WWOX: variants seen among roughly 807,000 people sequenced by gnomAD.
WWOX encodes WW domain-containing oxidoreductase.
Under a neutral mutation model 46.2 loss-of-function variants are expected in WWOX, and 69 were observed. That is an observed-to-expected ratio of 1.49 (90% CI 1.23 to 1.82). The LOEUF (loss-of-function observed/expected upper bound fraction) is 1.82. Ranked by LOEUF, WWOX falls within the 40% of genes most tolerant of loss-of-function variation. WWOX has a pLI of 0.00. For missense variants in WWOX, 919 were observed against 542.6 expected (o/e 1.69, Z -6.89); for synonymous variants, 359 against 202.6 (o/e 1.77, Z -6.56).
intron 8 of WWOX, among the ~76,000 whole-genome samples, chr16:78,796,200 A>T (rs947448220): frequency 1.3e-5 from 2 of 152,182 alleles, no homozygotes; most frequent in African/African-American, 4.8e-5. Flanking sequence ...ACTGTCGTTG[A>T]TTGCTTGCTG....
intron 5 of WWOX, among the ~76,000 whole-genome samples, chr16:78,336,505 C>CA (rs386385163): frequency 0.088 from 6,476 of 73,950 alleles, 778 homozygotes; most frequent in African/African-American, 0.23. Flanking sequence ...GACTATGTCT[C>CA]AAAAAAAAAA....
chr16:78,808,286 G>T (rs7499973), intron 8 of WWOX, among the ~76,000 whole-genome samples: 2 of 152,028 alleles, frequency 1.3e-5, no homozygotes, highest in Non-Finnish European at 2.9e-5. Flanking sequence ...CTATGGATCC[G>T]TTTGCAACCC....
chr16:79,154,151 T>A (rs972412573), intron 8 of WWOX, among the ~76,000 whole-genome samples: 1 of 152,186 alleles, frequency 6.6e-6, no homozygotes, highest in South Asian at 2.1e-4. Flanking sequence ...CTAAATGGTA[T>A]GAAAAATAGG....
chr16:79,144,095 T>A (rs1198775483), intron 8 of WWOX, among the ~76,000 whole-genome samples: 1 of 152,140 alleles, frequency 6.6e-6, no homozygotes, highest in African/African-American at 2.4e-5. Flanking sequence ...GATGGAGTAT[T>A]GCTATGTTGC....
In WWOX at chr16:78,341,606, G is replaced by C. The variant is rs1330403845; in HGVS notation, c.517-45254G>C. Among the ~76,000 whole-genome samples, 5 of 119,656 alleles carry C rather than the reference G, an allele frequency of 4.2e-5. 1 individual carries two copies. Among genetic ancestry groups the C allele is most frequent in the African/African-American group, 1.4e-4 (5 of 35,170 alleles). 78.5% of individuals were successfully genotyped at this position (119,656 alleles called of 152,430 possible). On this transcript the variant is annotated intron_variant, in intron 5 of 8. Transcript: ENST00000566780. ...CTATTGTCACTGAGGGAGTGGACAGGAAGTGATGCTGAGATAAGTCTAGAT... is the reference window on the plus strand; with the variant it reads ...CTATTGTCACTGAGGGAGTGGACAGCAAGTGATGCTGAGATAAGTCTAGAT...
At chr16:78,518,076 A>C (rs2043276361) in intron 8 of WWOX, among the ~76,000 whole-genome samples, 6 of 151,988 alleles carry the variant, frequency 3.9e-5, no homozygotes, top group Admixed American at 3.9e-4. Flanking sequence ...CAGTTTCCCC[A>C]TCTGTTGGAT....
At chr16:78,538,435 A>G (rs537861951) in intron 8 of WWOX, among the ~76,000 whole-genome samples, 1 of 152,204 alleles carries the variant, frequency 6.6e-6, no homozygotes, top group Non-Finnish European at 1.5e-5. Context: ...TGGTGTATGC[A>G]CTTCGGCCAC....
chr16:78,947,468 T>C (rs2045972326), intron 8 of WWOX, among the ~76,000 whole-genome samples: 1 of 152,202 alleles, frequency 6.6e-6, no homozygotes, highest in Non-Finnish European at 1.5e-5. Flanking sequence ...AAACGCTCTC[T>C]TCTTCTTGCA....
intron 8 of WWOX, among the ~76,000 whole-genome samples, chr16:78,844,038 T>G (rs1033454270): frequency 3.9e-5 from 6 of 152,176 alleles, no homozygotes; most frequent in African/African-American, 1.4e-4. Context: ...ACTGCTGGAA[T>G]TTGGTAACAT....
At chr16:79,167,623 C>T (rs558047336) in intron 8 of WWOX, among the ~76,000 whole-genome samples, 3 of 152,324 alleles carry the variant, frequency 2.0e-5, no homozygotes, top group South Asian at 4.1e-4. Context: ...GTGCCCAAGT[C>T]ACTTGCCCAA....
chr16:78,170,475 C>A (rs1394857556), intron 5 of WWOX, among the ~76,000 whole-genome samples: 2 of 152,304 alleles, frequency 1.3e-5, no homozygotes, highest in South Asian at 2.1e-4. Context: ...CATGAAAGTG[C>A]AAAGTGATGC....
At chr16:78,110,770 T>C (rs1035354468) in intron 3 of WWOX, among the ~76,000 whole-genome samples, 1 of 152,190 alleles carries the variant, frequency 6.6e-6, no homozygotes, top group African/African-American at 2.4e-5. Flanking sequence ...TTATTATCCC[T>C]AGCTTACTGC....
At chr16:78,337,270 G>GT (rs920926295) in intron 5 of WWOX, among the ~76,000 whole-genome samples, 8 of 151,948 alleles carry the variant, frequency 5.3e-5, no homozygotes, top group African/African-American at 1.9e-4. Context: ...AAGGTGGTTT[G>GT]TTTTTTTATT....
At position 78,361,803 on chromosome 16, in the gene WWOX, G is replaced by A. The variant is rs1173324731; in HGVS notation, c.517-25057G>A. Among the ~76,000 whole-genome samples the A allele has an allele frequency of 8.6e-5, 13 of 152,022 alleles. No individual in the cohort carries two copies. In the East Asian group the frequency reaches 2.5e-3, roughly 29 times the overall value. On this transcript the variant is annotated intron_variant, in intron 5 of 8. Transcript: ENST00000566780. ...ATTTTTATATTTTTAGTAGAGATGG[G>A]GTTTCACCACTTTGACCAGGCTGGT...
At chr16:78,693,330 A>C (rs1402134476) in intron 8 of WWOX, among the ~76,000 whole-genome samples, 1 of 152,146 alleles carries the variant, frequency 6.6e-6, no homozygotes, top group African/African-American at 2.4e-5. Flanking sequence ...TGCATATCTC[A>C]GAGGAATTTC....
At chr16:78,668,092 A>G (rs4369684) in intron 8 of WWOX, among the ~76,000 whole-genome samples, 4,677 of 152,254 alleles carry the variant, frequency 0.031, 96 homozygotes, top group Non-Finnish European at 0.048. Flanking sequence ...CAGCCTGGCC[A>G]CCATGGTGAA....
intron 5 of WWOX, among the ~76,000 whole-genome samples, chr16:78,360,585 C>CAAA (rs56382445): frequency 4.6e-5 from 4 of 86,530 alleles, no homozygotes; most frequent in Non-Finnish European, 9.0e-5. Flanking sequence ...GACTCTGTCT[C>CAAA]AAAAAAAAAA....
At chr16:78,991,483 C>A (rs1398909361) in intron 8 of WWOX, among the ~76,000 whole-genome samples, 1 of 151,508 alleles carries the variant, frequency 6.6e-6, no homozygotes, top group South Asian at 2.1e-4. Flanking sequence ...CACCTGTAGT[C>A]CCAGCTACTC....
intron 8 of WWOX, among the ~76,000 whole-genome samples, chr16:78,562,824 G>GC (rs1438061332): frequency 6.6e-6 from 1 of 152,148 alleles, no homozygotes; most frequent in Non-Finnish European, 1.5e-5. Flanking sequence ...AAAAGCATGA[G>GC]CCCCTCCCTG....
Sources: gnomAD v4.1 joint callset for allele counts (sites outside exome capture counted in the v4.1 genomes callset) on GRCh38, gnomAD v4.1.1 for gene constraint, MANE v1.5 for transcripts, NCBI Gene and HGNC (gene_info 2026-07-23, HGNC 2026-07-21) for gene names.